Variants in NCOA2 observed in about 807,000 individuals in gnomAD.
The protein encoded by NCOA2 is class E basic helix-loop-helix protein 75.
NCOA2 carries 21 observed loss-of-function variants against 145.1 expected under a neutral mutation model. The observed-to-expected ratio is 0.14, with a 90% CI of 0.10 to 0.21. NCOA2 has a LOEUF of 0.21. NCOA2 is among the 10% of genes least tolerant of loss of function. NCOA2 has a pLI of 1.00. For synonymous variants in NCOA2, 619 were observed against 637.5 expected, an observed-to-expected ratio of 0.97 and a Z score of 0.44; for missense variants, 1,472 against 1,837.6, an observed-to-expected ratio of 0.80 and a Z score of 3.64.
intron 2 of NCOA2, among the ~76,000 whole-genome samples, chr8:70,277,742 C>T (rs1586344308): frequency 6.6e-6 from 1 of 152,120 alleles, no homozygotes; most frequent in African/African-American, 2.4e-5. Context: ...AATGAATACA[C>T]TACAATTTAT....
intron 1 of NCOA2, among the ~76,000 whole-genome samples, chr8:70,383,099 C>T (rs992333549): frequency 2.6e-4 from 39 of 152,190 alleles, no homozygotes; most frequent in African/African-American, 7.7e-4. Context: ...CTGGACAGAG[C>T]GCCCAGAGCA....
chr8:70,451,052 C>T, the NCOA2 span, among the ~76,000 whole-genome samples: 1 of 149,140 alleles, frequency 6.7e-6, no homozygotes, highest in South Asian at 2.1e-4. Context: ...CCTGTCTCTA[C>T]AAAAAATACA....
intron 4 of NCOA2, among the ~76,000 whole-genome samples, chr8:70,179,699 T>TA (rs1233083917): frequency 2.2e-4 from 33 of 152,266 alleles, no homozygotes; most frequent in African/African-American, 7.7e-4. Context: ...CCATTAACCA[T>TA]AAAAATATAT....
intron 1 of NCOA2, among the ~76,000 whole-genome samples, chr8:70,333,042 G>A (rs534407899): frequency 2.0e-5 from 3 of 152,110 alleles, no homozygotes; most frequent in Non-Finnish European, 4.4e-5. Context: ...ACTTGCCTGG[G>A]GTCTCAATGA....
chr8:70,449,386 C>T, the NCOA2 span, among the ~76,000 whole-genome samples: 4 of 152,154 alleles, frequency 2.6e-5, no homozygotes, highest in East Asian at 1.9e-4. Context: ...ATTCAAATTA[C>T]AATAATCCAG....
chr8:70,213,306 A>G (rs1026318736), intron 4 of NCOA2, among the ~76,000 whole-genome samples: 5 of 152,196 alleles, frequency 3.3e-5, no homozygotes, highest in Non-Finnish European at 7.3e-5. Flanking sequence ...TGTAGGCATA[A>G]ATATCAAAGA....
chr8:70,195,493 G>A (rs570954103), intron 4 of NCOA2, among the ~76,000 whole-genome samples: 7 of 152,162 alleles, frequency 4.6e-5, no homozygotes, highest in Non-Finnish European at 1.0e-4. Flanking sequence ...ACCCATACAA[G>A]TAAGGGGTCC....
chr8:70,329,167 C>T (rs1207391290), intron 1 of NCOA2, among the ~76,000 whole-genome samples: 1 of 152,112 alleles, frequency 6.6e-6, no homozygotes, highest in Admixed American at 6.6e-5. Flanking sequence ...CTCTGCTGCC[C>T]AGGAGTGCAG....
At chr8:70,444,034 A>G in the NCOA2 span, among the ~76,000 whole-genome samples, 1 of 152,248 alleles carries the variant, frequency 6.6e-6, no homozygotes, top group Admixed American at 6.5e-5. Context: ...CCAGAGAAAT[A>G]AAAACTTATG....
chr8:70,226,342 A>T (rs1476075649), intron 2 of NCOA2, among the ~76,000 whole-genome samples: 1 of 152,082 alleles, frequency 6.6e-6, no homozygotes, highest in Admixed American at 6.5e-5. Context: ...GGAAAAACAA[A>T]CAAACTAAAA....
At chr8:70,236,876 C>G (rs1322917302) in intron 2 of NCOA2, among the ~76,000 whole-genome samples, 1 of 152,136 alleles carries the variant, frequency 6.6e-6, no homozygotes, top group Non-Finnish European at 1.5e-5. Context: ...CACTGGGTTT[C>G]TAGAACCAAT....
chr8:70,304,568 G>A (rs975902748), intron 1 of NCOA2, among the ~76,000 whole-genome samples: 2 of 151,894 alleles, frequency 1.3e-5, no homozygotes, highest in African/African-American at 2.4e-5. Context: ...CCAGGTTCAA[G>A]CAATTCTCTG....
intron 2 of NCOA2, among the ~76,000 whole-genome samples, chr8:70,238,147 C>G (rs60403277): frequency 1.3e-5 from 2 of 151,914 alleles, no homozygotes; most frequent in African/African-American, 4.8e-5. Flanking sequence ...TAAGCATGTG[C>G]ACACGCGCGC....
chr8:70,437,192 A>G, the NCOA2 span, among the ~76,000 whole-genome samples: 1 of 152,082 alleles, frequency 6.6e-6, no homozygotes, highest in Non-Finnish European at 1.5e-5. Flanking sequence ...CTTTTTACCT[A>G]TGTAACTCCT....
intron 4 of NCOA2, among the ~76,000 whole-genome samples, chr8:70,176,326 A>G (rs929439220): frequency 6.6e-6 from 1 of 152,150 alleles, no homozygotes; most frequent in African/African-American, 2.4e-5. Context: ...AAAAATTGTG[A>G]CTGCCTATAA....
At chr8:70,441,782 GAGAA>G in the NCOA2 span, among the ~76,000 whole-genome samples, 25,483 of 139,084 alleles carry the variant, frequency 0.18, 2,439 homozygotes, top group East Asian at 0.31. Context: ...AAAGAAAGAA[GAGAA>G]AGAAAGAAAG....
intron 1 of NCOA2, among the ~76,000 whole-genome samples, chr8:70,380,445 C>T (rs1340718547): frequency 1.3e-5 from 2 of 152,120 alleles, no homozygotes; most frequent in Admixed American, 6.6e-5. Flanking sequence ...ACACAAATAA[C>T]AAGACTCATG....
In NCOA2 at chr8:70,113,102, C is replaced by T. The variant is rs375507772; in HGVS notation, c.*530G>A. On this transcript the variant is annotated 3_prime_UTR_variant, in exon 23 of 23. Transcript: ENST00000452400. ...GTGTCTGTAAATACAGCGCTGTCCA[C>T]GGTGTCTGTCCTGCTTCCATCCCAA... The T allele has an allele frequency of 5.1e-4, 102 of 200,212 alleles. No individual in the cohort carries two copies. The highest frequency in any genetic ancestry group is 2.2e-3 in the African/African-American group (95 of 43,508). 12.4% of individuals were successfully genotyped at this position (200,212 alleles called of 1,614,324 possible).
At chr8:70,169,279 A>G (rs1437804381) in intron 6 of NCOA2, among the ~76,000 whole-genome samples, 1 of 152,212 alleles carries the variant, frequency 6.6e-6, no homozygotes, top group Non-Finnish European at 1.5e-5. Flanking sequence ...CATCTCCAAA[A>G]TAAGATGAAG....
Sources: gnomAD v4.1 joint callset for allele counts (sites outside exome capture counted in the v4.1 genomes callset) on GRCh38, gnomAD v4.1.1 for gene constraint, MANE v1.5 for transcripts, NCBI Gene and HGNC (gene_info 2026-07-23, HGNC 2026-07-21) for gene names.